The following MLLT3 variants were observed in gnomAD, a reference collection of about 807,000 sequenced individuals.
The protein encoded by MLLT3 is protein AF-9.
Under a neutral mutation model 53.2 loss-of-function variants are expected in MLLT3, and 4 were observed. That is an observed-to-expected ratio of 0.08 (90% CI 0.04 to 0.17). The LOEUF is 0.17. Among genes scored for constraint, MLLT3 ranks in the 10% least tolerant of loss-of-function variants. The pLI is 1.00. For synonymous variants in MLLT3, 283 were observed against 230.6 expected, an observed-to-expected ratio of 1.23 and a Z score of -2.06; for missense variants, 569 against 684.0, an observed-to-expected ratio of 0.83 and a Z score of 1.87.
chr9:20,574,164 GT>G (rs1819597736), intron 2 of MLLT3, among the ~76,000 whole-genome samples: 3 of 152,330 alleles, frequency 2.0e-5, no homozygotes, highest in African/African-American at 4.8e-5. Context: ...TTTCTAACAA[GT>G]TCCTAGGTGA....
At chr9:20,561,585 A>G (rs1429927076) in intron 2 of MLLT3, among the ~76,000 whole-genome samples, 1 of 152,168 alleles carries the variant, frequency 6.6e-6, no homozygotes, top group Non-Finnish European at 1.5e-5. Context: ...TTTAAAGTCC[A>G]AGGCAAATAA....
Position 20,346,528 on chromosome 9 carries a change from G to C in MLLT3, c.1622C>G (p.Thr541Arg). ...CGAGCAAAGATCAAAATCAAATGTT[G>C]TGTTTGTGATATGAAAGTGTCCAGT... ...EETGHFHITN[T>R]TFDFDLCSLD... The change falls in exon 11 of 11, where the codon ACA becomes AGA. Residue 541 changes from threonine to arginine, a missense_variant. This residue lies in a region of MLLT3 where 45 missense variants were observed against 85.5 expected (regional missense o/e 0.53). Coordinates refer to ENST00000380338, the MANE Select transcript of MLLT3 (RefSeq NM_004529.4). The C allele has an allele frequency of 6.2e-7, 1 of 1,613,536 alleles. No individual in the cohort carries two copies. Among genetic ancestry groups the C allele is most frequent in the Non-Finnish European group, 8.5e-7 (1 of 1,179,628 alleles).
intron 2 of MLLT3, among the ~76,000 whole-genome samples, chr9:20,617,341 T>C (rs1185695633): frequency 2.0e-5 from 3 of 152,020 alleles, no homozygotes; most frequent in African/African-American, 7.2e-5. Flanking sequence ...TAAAGGAAAA[T>C]TGTTAGAGTG....
At chr9:20,410,787 G>GT (rs1822708687) in intron 5 of MLLT3, 1 of 152,068 alleles carries the variant, frequency 6.6e-6, no homozygotes, top group Non-Finnish European at 1.5e-5. Flanking sequence ...TCTTTAAAAT[G>GT]TTCATCTTTT....
chr9:20,615,591 G>A (rs1267250499), intron 2 of MLLT3, among the ~76,000 whole-genome samples: 1 of 151,608 alleles, frequency 6.6e-6, no homozygotes, highest in East Asian at 1.9e-4. Context: ...TCCATGTATT[G>A]GGCAATTTAT....
intron 5 of MLLT3, among the ~76,000 whole-genome samples, chr9:20,404,022 TGTTG>T (rs1822520840): frequency 6.6e-6 from 1 of 152,114 alleles, no homozygotes; most frequent in Non-Finnish European, 1.5e-5. Context: ...GATTTCTCCA[TGTTG>T]CCCAGACTGG....
chr9:20,402,138 T>C (rs968482824), intron 5 of MLLT3, among the ~76,000 whole-genome samples: 3 of 151,926 alleles, frequency 2.0e-5, no homozygotes, highest in Admixed American at 2.0e-4. Context: ...TATAACAGAG[T>C]CAAGGAATCA....
chr9:20,512,813 G>A (rs1417387455), intron 2 of MLLT3, among the ~76,000 whole-genome samples: 3 of 152,148 alleles, frequency 2.0e-5, no homozygotes, highest in Non-Finnish European at 4.4e-5. Flanking sequence ...ATGACTAAAC[G>A]CATCTCCACA....
intron 2 of MLLT3, among the ~76,000 whole-genome samples, chr9:20,498,400 T>C (rs1238469183): frequency 6.6e-6 from 1 of 152,168 alleles, no homozygotes; most frequent in Non-Finnish European, 1.5e-5. Flanking sequence ...ATGTCGAGTA[T>C]CTTTTCTTGT....
intron 5 of MLLT3, among the ~76,000 whole-genome samples, chr9:20,412,962 A>G (rs1216031675): frequency 6.6e-6 from 1 of 152,182 alleles, no homozygotes; most frequent in Non-Finnish European, 1.5e-5. Context: ...AAACCCCAAT[A>G]TCAAAAAACA....
chr9:20,613,226 C>T (rs1820743430), intron 2 of MLLT3, among the ~76,000 whole-genome samples: 1 of 152,096 alleles, frequency 6.6e-6, no homozygotes, highest in Non-Finnish European at 1.5e-5. Context: ...AATGGTTACA[C>T]AACCTTATGA....
In MLLT3 at chr9:20,427,496, T is replaced by C. The variant is rs539207561; in HGVS notation, c.421-13071A>G. On this transcript the variant is annotated intron_variant, in intron 4 of 10. Coordinates refer to ENST00000380338, the MANE Select transcript of MLLT3 (RefSeq NM_004529.4). ...GAGAACAGAATAAAAATAACAAATATCAAATTAGAGACCCAGAAAGAATAA... is the reference window on the plus strand; with the variant it reads ...GAGAACAGAATAAAAATAACAAATACCAAATTAGAGACCCAGAAAGAATAA... 3.3e-5 allele frequency among the ~76,000 whole-genome samples: 5 copies of C among 151,450 alleles called. No individual in the cohort carries two copies. In the South Asian group the frequency reaches 1.0e-3, roughly 32 times the overall value.
In MLLT3 at chr9:20,590,409, G is replaced by A. The variant is rs1820098902; in HGVS notation, c.193+30245C>T. On this transcript the variant is annotated intron_variant, in intron 2 of 10. Transcript: ENST00000380338. The stretch of plus-strand genomic sequence containing the variant: ...CTCCACATGCGGAGGCAGGGCCCCA[G>A]TCGGAGGTGATTAGACCATGGGGGC... Among the ~76,000 whole-genome samples the A allele has an allele frequency of 3.3e-5, 5 of 152,332 alleles. No individual in the cohort carries two copies. In the Middle Eastern group the frequency reaches 0.017, roughly 518 times the overall value.
chr9:20,483,460 T>C (rs1824720398), intron 2 of MLLT3, among the ~76,000 whole-genome samples: 1 of 151,712 alleles, frequency 6.6e-6, no homozygotes, highest in African/African-American at 2.4e-5. Context: ...CTTGAACTCC[T>C]GGGCTCAAGA....
chr9:20,554,646 TC>T (rs1819009110), intron 2 of MLLT3, among the ~76,000 whole-genome samples: 1 of 152,192 alleles, frequency 6.6e-6, no homozygotes, highest in Non-Finnish European at 1.5e-5. Flanking sequence ...CACTTACCTC[TC>T]AATCTGACAA....
At chr9:20,574,583 C>G (rs1167890433) in intron 2 of MLLT3, among the ~76,000 whole-genome samples, 1 of 152,144 alleles carries the variant, frequency 6.6e-6, no homozygotes, top group Non-Finnish European at 1.5e-5. Flanking sequence ...TTTAAAAATG[C>G]TTTATTGCTT....
rs375637584 is a variant in MLLT3, at chr9:20,548,379, G to A, written c.193+72275C>T. Reference sequence around the variant, plus strand: ...GTACAGGCTGAGATTAACCTCCTCCGCAAGGAAGACATTTTTGTTCTCTGA... The same window carrying A: ...GTACAGGCTGAGATTAACCTCCTCCACAAGGAAGACATTTTTGTTCTCTGA... On this transcript the variant is annotated intron_variant, in intron 2 of 10. Transcript: ENST00000380338. Among the ~76,000 whole-genome samples, 4 of 152,274 alleles carry A rather than the reference G, an allele frequency of 2.6e-5. 1 individual carries two copies. Among genetic ancestry groups the A allele is most frequent in the East Asian group, 1.9e-4 (1 of 5,188 alleles).
rs372920299 is a variant in MLLT3, at chr9:20,509,138, T to A, written c.194-52352A>T. Among the ~76,000 whole-genome samples, 240 of 152,250 alleles carry A rather than the reference T, an allele frequency of 1.6e-3. 12 individuals are homozygous for A. In the South Asian group the frequency reaches 0.048, roughly 30 times the overall value. On this transcript the variant is annotated intron_variant, in intron 2 of 10. Transcript: ENST00000380338. ...CACAACCGTTTACATTCCATGAAGATCTAATGAACTCCAGTTCTGAGTGGG... is the reference window on the plus strand; with the variant it reads ...CACAACCGTTTACATTCCATGAAGAACTAATGAACTCCAGTTCTGAGTGGG...
chr9:20,573,241 G>A (rs1018578366), intron 2 of MLLT3, among the ~76,000 whole-genome samples: 3 of 150,396 alleles, frequency 2.0e-5, no homozygotes, highest in African/African-American at 7.4e-5. Context: ...GTGTAGTGGC[G>A]AAATTACTGC....
Sources: allele counts gnomAD v4.1 joint callset (sites outside exome capture counted in the v4.1 genomes callset), GRCh38; gene constraint gnomAD v4.1.1; regional missense constraint gnomAD v4.1.1; transcripts MANE v1.5; gene names NCBI Gene and HGNC (gene_info 2026-07-23, HGNC 2026-07-21).